RCAN2: variants seen among roughly 807,000 people sequenced by gnomAD.
The protein encoded by RCAN2 is calcipressin-2.
Under a neutral mutation model 23.6 loss-of-function variants are expected in RCAN2, and 9 were observed. The observed-to-expected ratio is 0.38, with a 90% CI of 0.23 to 0.67. The LOEUF (loss-of-function observed/expected upper bound fraction) is 0.67. Among genes scored for constraint, RCAN2 ranks in the 30% least tolerant of loss-of-function variants. The probability of loss-of-function intolerance (pLI) is 0.51; values close to 1 mark genes in which losing one functional copy is unlikely to be tolerated. For missense variants in RCAN2, 273 were observed against 302.3 expected (o/e 0.90, Z 0.72); for synonymous variants, 109 against 115.7 (o/e 0.94, Z 0.37).
chr6:46,463,662 T>C (rs554923566), intron 1 of RCAN2, among the ~76,000 whole-genome samples: 1 of 152,312 alleles, frequency 6.6e-6, no homozygotes, highest in South Asian at 2.1e-4. Flanking sequence ...GGGGAACATA[T>C]AACTTTTAAC....
intron 2 of RCAN2, among the ~76,000 whole-genome samples, chr6:46,412,002 G>A (rs1275979228): frequency 1.3e-5 from 2 of 152,162 alleles, no homozygotes; most frequent in Non-Finnish European, 2.9e-5. Flanking sequence ...CTGCTGTGAA[G>A]AGCCTGGATT....
intron 2 of RCAN2, among the ~76,000 whole-genome samples, chr6:46,361,195 T>C (rs1379208202): frequency 2.0e-5 from 3 of 152,090 alleles, no homozygotes; most frequent in African/African-American, 7.2e-5. Flanking sequence ...AGAAGTGACA[T>C]GGAGAACTCT....
intron 2 of RCAN2, among the ~76,000 whole-genome samples, chr6:46,298,903 T>G (rs888758596): frequency 6.6e-6 from 1 of 152,094 alleles, no homozygotes; most frequent in South Asian, 2.1e-4. Flanking sequence ...GTGCTTTATA[T>G]ACCCCATGGA....
At chr6:46,284,238 A>G (rs918921000) in intron 2 of RCAN2, among the ~76,000 whole-genome samples, 41 of 152,294 alleles carry the variant, frequency 2.7e-4, no homozygotes, top group African/African-American at 9.9e-4. Flanking sequence ...GAAAGGCCTT[A>G]GAGCCTAAAG....
At chr6:46,397,173 C>T (rs1177140996) in intron 2 of RCAN2, among the ~76,000 whole-genome samples, 1 of 152,236 alleles carries the variant, frequency 6.6e-6, no homozygotes, top group East Asian at 1.9e-4. Context: ...ACAATATATG[C>T]TCTAGTGTGA....
chr6:46,328,992 A>G (rs931701132), intron 2 of RCAN2, among the ~76,000 whole-genome samples: 1 of 152,146 alleles, frequency 6.6e-6, no homozygotes, highest in Admixed American at 6.5e-5. Flanking sequence ...CAATGGCTAC[A>G]AGGCCTTGTA....
At chr6:46,241,292 A>G (rs1766296920) in intron 4 of RCAN2, among the ~76,000 whole-genome samples, 1 of 152,230 alleles carries the variant, frequency 6.6e-6, no homozygotes, top group African/African-American at 2.4e-5. Flanking sequence ...ATATTTCAAA[A>G]TAAATATTCA....
chr6:46,292,158 A>G (rs1001218972), intron 2 of RCAN2, among the ~76,000 whole-genome samples: 1 of 152,206 alleles, frequency 6.6e-6, no homozygotes, highest in Non-Finnish European at 1.5e-5. Context: ...TGTTCAACAG[A>G]GAGAGGATAC....
At chr6:46,443,813 A>T (rs962955497) in intron 2 of RCAN2, among the ~76,000 whole-genome samples, 6 of 152,202 alleles carry the variant, frequency 3.9e-5, no homozygotes, top group Admixed American at 2.0e-4. Flanking sequence ...GTTTGTGCTG[A>T]TGTACAGCCA....
At chr6:46,397,325 G>A (rs777799660) in intron 2 of RCAN2, among the ~76,000 whole-genome samples, 3 of 151,432 alleles carry the variant, frequency 2.0e-5, no homozygotes, top group Non-Finnish European at 4.4e-5. Flanking sequence ...TGTCTGTTGT[G>A]ATTATAATCA....
chr6:46,399,321 A>G (rs1430301321), intron 2 of RCAN2, among the ~76,000 whole-genome samples: 1 of 151,778 alleles, frequency 6.6e-6, no homozygotes, highest in Non-Finnish European at 1.5e-5. Context: ...AAATTAATAA[A>G]AGCTGCTTTG....
chr6:46,479,574 C>CTGTCTCA (rs1768799714), intron 1 of RCAN2, among the ~76,000 whole-genome samples: 1 of 139,948 alleles, frequency 7.1e-6, no homozygotes, highest in East Asian at 2.2e-4. Context: ...GCAGTAGGGT[C>CTGTCTCA]TGTCTCACCT....
chr6:46,451,462 GAA>G (rs919755546), intron 2 of RCAN2, among the ~76,000 whole-genome samples: 29 of 152,116 alleles, frequency 1.9e-4, no homozygotes, highest in African/African-American at 7.0e-4. Flanking sequence ...AATGGATTGT[GAA>G]AAAAGTCTCA....
intron 2 of RCAN2, among the ~76,000 whole-genome samples, chr6:46,300,490 ACT>A (rs1478062369): frequency 3.9e-5 from 6 of 152,150 alleles, no homozygotes; most frequent in African/African-American, 1.2e-4. Context: ...AATCTCTTTA[ACT>A]CTCTATTAAA....
chr6:46,324,471 G>A (rs1317305740), intron 2 of RCAN2, among the ~76,000 whole-genome samples: 2 of 152,180 alleles, frequency 1.3e-5, no homozygotes, highest in Non-Finnish European at 2.9e-5. Flanking sequence ...ACTAAAGCAA[G>A]GATGGTAAAT....
rs114830688 is a variant in RCAN2, at chr6:46,312,054, C to T, written c.226-63158G>A. ...ATAGGCAGAGGGGCTTATCTCCTTC[C>T]GCCTCTTCTTCCATCCTGCTGCCCT... On this transcript the variant is annotated intron_variant, in intron 2 of 4. Coordinates refer to ENST00000371374, the MANE Select transcript of RCAN2 (RefSeq NM_001251974.2). Among the ~76,000 whole-genome samples, 1,046 of 152,234 alleles carry T rather than the reference C, an allele frequency of 6.9e-3. 8 individuals are homozygous for T. Among genetic ancestry groups the T allele is most frequent in the African/African-American group, 0.024 (1,000 of 41,530 alleles).
intron 2 of RCAN2, among the ~76,000 whole-genome samples, chr6:46,414,430 T>C (rs375103574): frequency 3.2e-4 from 48 of 152,324 alleles, no homozygotes; most frequent in African/African-American, 1.1e-3. Context: ...TTTGAACTAG[T>C]CTTGAAAGAT....
chr6:46,447,120 T>C (rs1397803758), intron 2 of RCAN2, among the ~76,000 whole-genome samples: 2 of 151,672 alleles, frequency 1.3e-5, no homozygotes, highest in Non-Finnish European at 2.9e-5. Context: ...ACATATATAC[T>C]AAAAGGGAAG....
intron 2 of RCAN2, among the ~76,000 whole-genome samples, chr6:46,296,066 C>CGTGTGTGTGTGTGTGTGTGT (rs60947209): frequency 7.2e-6 from 1 of 138,452 alleles, no homozygotes; most frequent in African/African-American, 2.7e-5. Context: ...CCAATAGCTT[C>CGTGTGTGTGTGTGTGTGTGT]GTGTGTGTGT....
Sources: allele counts gnomAD v4.1 joint callset (sites outside exome capture counted in the v4.1 genomes callset), GRCh38; gene constraint gnomAD v4.1.1; transcripts MANE v1.5; gene names NCBI Gene and HGNC (gene_info 2026-07-23, HGNC 2026-07-21).